The following DNAH11 variants were observed in gnomAD, a reference collection of about 807,000 sequenced individuals.
DNAH11 encodes axonemal beta dynein heavy chain 11.
DNAH11 carries 442 observed loss-of-function variants against 526.0 expected under a neutral mutation model. That is an observed-to-expected ratio of 0.84 (90% CI 0.78 to 0.91). The LOEUF is 0.91. Ranked by LOEUF, DNAH11 falls within the 40% of genes least tolerant of loss-of-function variation. The pLI is 0.00. For synonymous variants in DNAH11, 2,461 were observed against 1,935.9 expected (o/e 1.27, Z -7.12); for missense variants, 6,989 against 5,448.7 (o/e 1.28, Z -8.90).
chr7:21,822,287 G>A (rs547074898), intron 65 of DNAH11, among the ~76,000 whole-genome samples: 1 of 152,272 alleles, frequency 6.6e-6, no homozygotes, highest in East Asian at 1.9e-4. Flanking sequence ...TAAACGGGGA[G>A]CAGACATGTC....
At chr7:21,660,596 A>G (rs910526534) in intron 30 of DNAH11, among the ~76,000 whole-genome samples, 2 of 151,994 alleles carry the variant, frequency 1.3e-5, no homozygotes, top group African/African-American at 4.8e-5. Flanking sequence ...TAACATTTAA[A>G]CAACACCCAT....
At chr7:21,561,830 A>G (rs977491311) in intron 5 of DNAH11, among the ~76,000 whole-genome samples, 14 of 152,206 alleles carry the variant, frequency 9.2e-5, no homozygotes, top group Non-Finnish European at 1.3e-4. Context: ...TATACATGAT[A>G]CTGTGGTTTT....
At chr7:21,789,659 G>A (rs913664778) in intron 61 of DNAH11, among the ~76,000 whole-genome samples, 1 of 151,992 alleles carries the variant, frequency 6.6e-6, no homozygotes, top group African/African-American at 2.4e-5. Flanking sequence ...CTTATATCTT[G>A]GCTCCACTGT....
chr7:21,574,789 C>T (rs528223428), intron 8 of DNAH11, among the ~76,000 whole-genome samples: 9 of 150,302 alleles, frequency 6.0e-5, no homozygotes, highest in Non-Finnish European at 1.5e-5. Context: ...TGGTCTCAAA[C>T]TCCCGACCTC....
At chr7:21,843,582 GC>G (rs1782300027) in intron 66 of DNAH11, among the ~76,000 whole-genome samples, 3 of 151,102 alleles carry the variant, frequency 2.0e-5, no homozygotes, top group Admixed American at 1.3e-4. Context: ...CTGGGTTCAA[GC>G]GATTCTTCTG....
intron 39 of DNAH11, among the ~76,000 whole-genome samples, chr7:21,707,137 C>T (rs1445845343): frequency 6.6e-6 from 1 of 152,194 alleles, no homozygotes; most frequent in Non-Finnish European, 1.5e-5. Flanking sequence ...TCAAGACAGT[C>T]TTTTCTTGAG....
chr7:21,900,256 T>A, intron 81 of DNAH11, 136 bp downstream of exon 81: 1 of 1,029,140 alleles, frequency 9.7e-7, no homozygotes, highest in Non-Finnish European at 1.3e-6. Flanking sequence ...CATTTCTTCC[T>A]CTTAAATAAT....
chr7:21,546,265 C>G (rs779604706), intron 2 of DNAH11, among the ~76,000 whole-genome samples: 1 of 152,196 alleles, frequency 6.6e-6, no homozygotes, highest in Non-Finnish European at 1.5e-5. Flanking sequence ...TCTCTCACCC[C>G]TAACTCCTGT....
chr7:21,679,783 C>T (rs561843484), intron 30 of DNAH11, among the ~76,000 whole-genome samples: 2 of 152,046 alleles, frequency 1.3e-5, no homozygotes, highest in Non-Finnish European at 2.9e-5. Flanking sequence ...AATTTCTCCT[C>T]CCTGGATTGG....
chr7:21,668,203 A>G (rs1432353736), intron 30 of DNAH11, among the ~76,000 whole-genome samples: 1 of 152,182 alleles, frequency 6.6e-6, no homozygotes, highest in Non-Finnish European at 1.5e-5. Flanking sequence ...TCTTACATTT[A>G]TATACATCTT....
chr7:21,852,839 G>A lies in DNAH11; in HGVS notation c.11061+208G>A, dbSNP rs991143845. Among the ~76,000 whole-genome samples the A allele has an allele frequency of 2.6e-5, 4 of 152,188 alleles. No homozygotes were observed. The South Asian group carries it at 6.2e-4, about 24-fold the overall frequency. On this transcript the variant is annotated intron_variant, in intron 67 of 81. Transcript: ENST00000409508. The stretch of plus-strand genomic sequence containing the variant: ...GTGCTTCTCCTAATTCCATAGAGAT[G>A]TCATTCAAATTAGACACTGTCCGGC...
intron 45 of DNAH11, among the ~76,000 whole-genome samples, chr7:21,732,667 A>G (rs773574211): frequency 1.3e-5 from 2 of 152,244 alleles, no homozygotes; most frequent in Non-Finnish European, 2.9e-5. Context: ...CAGAAGTCGA[A>G]TAATCACAAT....
At chr7:21,543,836 A>C (rs920469478) in intron 1 of DNAH11, 1 of 555,772 alleles carries the variant, frequency 1.8e-6, no homozygotes, top group African/African-American at 1.9e-5. Flanking sequence ...TCCCGCGTTG[A>C]GCCTGTTCGA....
At position 21,564,409 on chromosome 7, in the gene DNAH11, C is replaced by G; in HGVS notation, c.1194+12C>G. Reference sequence around the variant, plus strand: ...TCTTCATTAACCAGGTATGAAGCATCAAAAAACAGGAACAATAAGAATTGT... The same window carrying G: ...TCTTCATTAACCAGGTATGAAGCATGAAAAAACAGGAACAATAAGAATTGT... On this transcript the variant is annotated intron_variant, in intron 6 of 81. Coordinates refer to ENST00000409508, the MANE Select transcript of DNAH11 (RefSeq NM_001277115.2). 6.3e-7 allele frequency: 1 copy of G among 1,586,896 alleles called. No homozygotes were observed. Among genetic ancestry groups the G allele is most frequent in the Non-Finnish European group, 8.6e-7 (1 of 1,161,794 alleles).
chr7:21,561,463 G>C, intron 5 of DNAH11: 1 of 251,304 alleles, frequency 4.0e-6, no homozygotes, highest in Non-Finnish European at 7.5e-6. Context: ...AAAAAAATAA[G>C]TCTGGATAGA....
At chr7:21,575,420 G>A (rs570780393) in intron 8 of DNAH11, among the ~76,000 whole-genome samples, 1 of 152,160 alleles carries the variant, frequency 6.6e-6, no homozygotes, top group Non-Finnish European at 1.5e-5. Context: ...TAGTTCATCT[G>A]TACTAGGTTG....
At chr7:21,695,111 A>G (rs529179468) in intron 35 of DNAH11, among the ~76,000 whole-genome samples, 2 of 152,354 alleles carry the variant, frequency 1.3e-5, no homozygotes, top group South Asian at 4.1e-4. Flanking sequence ...AACAAATAGA[A>G]AAGCATTCCA....
At chr7:21,880,084 CAAAAAA>C (rs57931095) in intron 74 of DNAH11, among the ~76,000 whole-genome samples, 2 of 93,748 alleles carry the variant, frequency 2.1e-5, no homozygotes, top group Non-Finnish European at 4.6e-5. Flanking sequence ...GACTCCGTCT[CAAAAAA>C]AAAAAAAAAA....
At chr7:21,710,222 T>A (rs1784409604) in intron 40 of DNAH11, among the ~76,000 whole-genome samples, 2 of 152,210 alleles carry the variant, frequency 1.3e-5, no homozygotes, top group African/African-American at 4.8e-5. Context: ...AGAAGGATCA[T>A]GTCTTCAGTT....
Sources: allele counts gnomAD v4.1 joint callset (sites outside exome capture counted in the v4.1 genomes callset), GRCh38; gene constraint gnomAD v4.1.1; transcripts MANE v1.5; gene names NCBI Gene and HGNC (gene_info 2026-07-23, HGNC 2026-07-21).